POLR3B: variants seen among roughly 807,000 people sequenced by gnomAD.
POLR3B encodes the protein RNA polymerase III subunit B, also known as DNA-directed RNA polymerase III subunit RPC2.
Under a neutral mutation model 147.4 loss-of-function variants are expected in POLR3B, and 96 were observed. The observed-to-expected ratio is 0.65, with a 90% CI of 0.55 to 0.77. The LOEUF (loss-of-function observed/expected upper bound fraction) is 0.77, where lower values mean the gene tolerates loss of function less well. Ranked by LOEUF, POLR3B falls within the 30% of genes least tolerant of loss-of-function variation. The pLI is 0.00. For synonymous variants in POLR3B, 461 were observed against 485.9 expected (o/e 0.95, Z 0.67); for missense variants, 1,036 against 1,413.5 (o/e 0.73, Z 4.28).
At chr12:106,445,510 GC>G (rs1231424635) in intron 19 of POLR3B, among the ~76,000 whole-genome samples, 3 of 152,024 alleles carry the variant, frequency 2.0e-5, no homozygotes. Flanking sequence ...TGGTACAGAG[GC>G]GTGAAGGGGA....
intron 23 of POLR3B, among the ~76,000 whole-genome samples, chr12:106,494,203 G>A (rs751366407): frequency 6.6e-5 from 10 of 152,020 alleles, no homozygotes; most frequent in South Asian, 2.1e-4. Flanking sequence ...TAAATGTGTC[G>A]ATTAAAACTG....
chr12:106,469,534 C>G (rs57806990), intron 23 of POLR3B, among the ~76,000 whole-genome samples: 1 of 152,066 alleles, frequency 6.6e-6, no homozygotes, highest in Non-Finnish European at 1.5e-5. Flanking sequence ...GATGCAGTTT[C>G]TTCATAGCAT....
intron 26 of POLR3B, among the ~76,000 whole-genome samples, 199 bp downstream of exon 26, chr12:106,501,635 G>A (rs1219368363): frequency 5.9e-5 from 9 of 152,222 alleles, no homozygotes; most frequent in Middle Eastern, 6.8e-3. Flanking sequence ...TTTCACAAGC[G>A]CAAGAGCAAA....
chr12:106,429,841 C>A (rs1028719678), intron 13 of POLR3B, among the ~76,000 whole-genome samples: 2 of 152,096 alleles, frequency 1.3e-5, no homozygotes, highest in African/African-American at 4.8e-5. Flanking sequence ...GGAAAACATC[C>A]AAATAATAGC....
intron 25 of POLR3B, 84 bp downstream of exon 25, chr12:106,497,002 A>AG: frequency 2.1e-5 from 28 of 1,327,204 alleles, no homozygotes; most frequent in Non-Finnish European, 2.9e-5. Context: ...ATACTCTATT[A>AG]AGTATACCTT....
intron 25 of POLR3B, chr12:106,499,946 G>A (rs1186486509): frequency 2.8e-6 from 1 of 353,392 alleles, no homozygotes; most frequent in African/African-American, 2.1e-5. Context: ...TGTGTCTGTT[G>A]TTTCCTTTAC....
rs1488122013 is a variant in POLR3B, at chr12:106,370,631, G to T, written c.404+948G>T. Among the ~76,000 whole-genome samples the T allele has an allele frequency of 6.8e-3, 863 of 126,474 alleles. 13 individuals are homozygous for T. Among genetic ancestry groups the T allele is most frequent in the African/African-American group, 0.024 (819 of 34,600 alleles). 83.0% of individuals were successfully genotyped at this position (126,474 alleles called of 152,430 possible). On this transcript the variant is annotated intron_variant, in intron 6 of 27. Coordinates refer to ENST00000228347, the MANE Select transcript of POLR3B (RefSeq NM_018082.6). ...TTATCAGTGTTTTTTTTGTTTTATTGTTTTTTTTTTTTTTTTTTGAGACAG... is the reference window on the plus strand; with the variant it reads ...TTATCAGTGTTTTTTTTGTTTTATTTTTTTTTTTTTTTTTTTTTGAGACAG...
chr12:106,496,603 T>G, intron 24 of POLR3B, 149 bp from the exon 25 acceptor site: 1 of 716,500 alleles, frequency 1.4e-6, no homozygotes, highest in South Asian at 1.6e-5. Flanking sequence ...GGCGTAAAAT[T>G]AGATCACACA....
chr12:106,458,598 T>C (rs1037691327), intron 21 of POLR3B, among the ~76,000 whole-genome samples: 9 of 152,116 alleles, frequency 5.9e-5, no homozygotes, highest in African/African-American at 1.7e-4. Context: ...CACATGACTT[T>C]GTCATGGTTG....
chr12:106,378,269 G>A lies in POLR3B; in HGVS notation c.499G>A (p.Gly167Ser). 1.3e-6 allele frequency: 2 copies of A among 1,581,868 alleles called. No individual in the cohort carries two copies. The highest frequency in any genetic ancestry group is 1.7e-6 in the Non-Finnish European group (2 of 1,150,420). ...TTTTTCTTGTTTCCTTTGGGTAGGT[G>A]GCTACTTCATTGTTAAAGGAGTAGA... The part of the protein sequence containing the change: ...KLNECPLDPG[G>S]YFIVKGVEKV... Residue 167 changes from glycine (G) to serine (S), a missense_variant and splice_region_variant, in exon 8 of 28, where the codon GGC becomes AGC. Transcript: ENST00000228347.
At position 106,357,910 on chromosome 12, in the gene POLR3B, C is replaced by G. The variant is rs377586797; in HGVS notation, c.31C>G (p.Leu11Val). The G allele has an allele frequency of 1.2e-6, 2 of 1,613,616 alleles. No homozygotes were observed. The highest frequency in any genetic ancestry group is 1.7e-6 in the Non-Finnish European group (2 of 1,179,992). ...CGTGCTAGCGGAGGAGTTTGGGAAC[C>G]TGACTCCGGAGCAGCTGGCGGCGCC... is the stretch of plus-strand genomic sequence containing the variant. Reference protein sequence around the residue: MDVLAEEFGNLTPEQLAAPIP... With the variant: MDVLAEEFGNVTPEQLAAPIP... The change falls in exon 1 of 28, where the codon CTG becomes GTG. Residue 11 changes from leucine (L) to valine (V), a missense_variant. Coordinates refer to ENST00000228347, the MANE Select transcript of POLR3B (RefSeq NM_018082.6).
chr12:106,368,475 T>C (rs2036561244), intron 4 of POLR3B, among the ~76,000 whole-genome samples: 1 of 152,234 alleles, frequency 6.6e-6, no homozygotes, highest in Admixed American at 6.5e-5. Flanking sequence ...ACCTTTTCCC[T>C]TTCCTTATTT....
chr12:106,478,654 G>A (rs2038217100), intron 23 of POLR3B, among the ~76,000 whole-genome samples: 1 of 152,172 alleles, frequency 6.6e-6, no homozygotes, highest in African/African-American at 2.4e-5. Flanking sequence ...AGTAGGTAGT[G>A]TAAACTTTAA....
chr12:106,434,559 T>C (rs1173405994), intron 16 of POLR3B, among the ~76,000 whole-genome samples: 2 of 151,514 alleles, frequency 1.3e-5, no homozygotes, highest in Non-Finnish European at 2.9e-5. Context: ...GCACAGGTAC[T>C]ATCTAGGAGC....
chr12:106,374,247 C>T (rs182507481), intron 6 of POLR3B, among the ~76,000 whole-genome samples: 72 of 152,270 alleles, frequency 4.7e-4, no homozygotes, highest in Non-Finnish European at 7.8e-4. Flanking sequence ...GACAGGGTCT[C>T]ACTCTGTCAC....
chr12:106,387,884 G>A (rs529219198), intron 9 of POLR3B, among the ~76,000 whole-genome samples: 1 of 152,308 alleles, frequency 6.6e-6, no homozygotes, highest in East Asian at 1.9e-4. Flanking sequence ...TGGAAGGGGA[G>A]TGCCCTTTTT....
At chr12:106,468,916 T>C (rs2038047366) in intron 23 of POLR3B, among the ~76,000 whole-genome samples, 1 of 152,216 alleles carries the variant, frequency 6.6e-6, no homozygotes, top group African/African-American at 2.4e-5. Context: ...ATGTATATTC[T>C]GTTGATTTGG....
chr12:106,448,314 A>G (rs1304015533), intron 19 of POLR3B, among the ~76,000 whole-genome samples: 2 of 150,986 alleles, frequency 1.3e-5, no homozygotes, highest in African/African-American at 4.9e-5. Flanking sequence ...GGTAGAATGG[A>G]TAATATTACA....
intron 23 of POLR3B, among the ~76,000 whole-genome samples, chr12:106,471,923 A>C (rs2038098148): frequency 6.9e-6 from 1 of 145,806 alleles, no homozygotes; most frequent in African/African-American, 2.6e-5. Flanking sequence ...CAGGTTAGTT[A>C]CATATGTATA....
Sources: allele counts gnomAD v4.1 joint callset (sites outside exome capture counted in the v4.1 genomes callset), GRCh38; gene constraint gnomAD v4.1.1; transcripts MANE v1.5; gene names NCBI Gene and HGNC (gene_info 2026-07-23, HGNC 2026-07-21).